SYN3: variants seen among roughly 807,000 people sequenced by gnomAD.
The protein encoded by SYN3 is synapsin-3.
Under a neutral mutation model 65.8 loss-of-function variants are expected in SYN3, and 35 were observed. That is an observed-to-expected ratio of 0.53 (90% CI 0.41 to 0.70). The LOEUF is 0.70. Among genes scored for constraint, SYN3 ranks in the 30% least tolerant of loss-of-function variants. SYN3 has a pLI of 0.00. For missense variants in SYN3, 680 were observed against 749.0 expected (o/e 0.91, Z 1.08); for synonymous variants, 270 against 292.9 (o/e 0.92, Z 0.80).
intron 1 of SYN3, among the ~76,000 whole-genome samples, chr22:33,051,322 C>T (rs1257487177): frequency 6.6e-6 from 1 of 152,106 alleles, no homozygotes; most frequent in East Asian, 1.9e-4. Context: ...CTTTGGAGGA[C>T]CGCAAGAGAT....
At chr22:33,008,924 CAAAAAAAAAAAAAA>C (rs201719238) in intron 1 of SYN3, among the ~76,000 whole-genome samples, 216 of 57,058 alleles carry the variant, frequency 3.8e-3, no homozygotes, top group Non-Finnish European at 5.0e-3. Context: ...GACTTTATCT[CAAAAAAAAAAAAAA>C]AAAAAAAAAA....
In SYN3 at chr22:32,960,438, C is replaced by T. The variant is rs980823729; in HGVS notation, c.369+20207G>A. On this transcript the variant is annotated intron_variant, in intron 3 of 13. Transcript: ENST00000358763. ...CCCACAAATTCACAATAAAAGCTCT[C>T]GCCCACATCTCCCTATCATTCCCTC... is the stretch of plus-strand genomic sequence containing the variant. Among the ~76,000 whole-genome samples the T allele has an allele frequency of 3.9e-5, 6 of 152,168 alleles. No individual in the cohort carries two copies. In the East Asian group the frequency reaches 7.7e-4, roughly 20 times the overall value.
intron 6 of SYN3, among the ~76,000 whole-genome samples, chr22:32,719,957 T>C (rs2061093702): frequency 6.6e-6 from 1 of 152,200 alleles, no homozygotes; most frequent in South Asian, 2.1e-4. Flanking sequence ...GCTACCCAAT[T>C]TGGGCACTTT....
intron 7 of SYN3, among the ~76,000 whole-genome samples, chr22:32,545,558 T>G (rs948137004): frequency 1.3e-5 from 2 of 152,112 alleles, no homozygotes; most frequent in African/African-American, 4.8e-5. Context: ...GGTCTCTCTC[T>G]CTCTCTCTCT....
At chr22:32,962,850 ATCTG>A (rs1391949230) in intron 3 of SYN3, among the ~76,000 whole-genome samples, 10 of 121,966 alleles carry the variant, frequency 8.2e-5, no homozygotes. Context: ...CTATCTATCT[ATCTG>A]TCTGTCTTAC....
chr22:32,675,722 A>C (rs2060431107), intron 6 of SYN3, among the ~76,000 whole-genome samples: 1 of 151,472 alleles, frequency 6.6e-6, no homozygotes, highest in Non-Finnish European at 1.5e-5. Flanking sequence ...AGCTGCATGA[A>C]GGCTGACAGA....
At chr22:32,589,513 T>C (rs2059098999) in intron 7 of SYN3, among the ~76,000 whole-genome samples, 2 of 152,160 alleles carry the variant, frequency 1.3e-5, no homozygotes, top group South Asian at 4.1e-4. Flanking sequence ...GCTAAGAACC[T>C]CACATAATAC....
intron 4 of SYN3, among the ~76,000 whole-genome samples, chr22:32,907,119 C>G (rs2049923473): frequency 6.6e-6 from 1 of 152,140 alleles, no homozygotes; most frequent in African/African-American, 2.4e-5. Context: ...TTTACATTCC[C>G]ACCATTAATT....
chr22:32,701,435 C>G (rs932989649), intron 6 of SYN3, among the ~76,000 whole-genome samples: 4 of 151,380 alleles, frequency 2.6e-5, no homozygotes, highest in African/African-American at 9.7e-5. Flanking sequence ...AACCCATAAC[C>G]AGGAGAAAAA....
chr22:32,823,890 G>A (rs775758374), intron 6 of SYN3, among the ~76,000 whole-genome samples: 26 of 152,086 alleles, frequency 1.7e-4, no homozygotes, highest in Non-Finnish European at 3.7e-4. Context: ...GTGATTATAG[G>A]TGAAGGTCTT....
At position 32,512,236 on chromosome 22, in the gene SYN3, C is replaced by G. The variant is rs537097237; in HGVS notation, c.*1456G>C. 2.6e-5 allele frequency among the ~76,000 whole-genome samples: 4 copies of G among 152,326 alleles called. No individual in the cohort carries two copies. The highest frequency in any genetic ancestry group is 3.9e-4 in the East Asian group (2 of 5,186). ...TGCTTGGGCATAACTAGAAGCTGCT[C>G]CAGGCCAAAGCCACTTCCATTTTTA... On this transcript the variant is annotated 3_prime_UTR_variant, in exon 14 of 14. Coordinates refer to ENST00000358763, the MANE Select transcript of SYN3 (RefSeq NM_003490.4).
At chr22:33,007,914 A>AT (rs1230685376) in intron 1 of SYN3, among the ~76,000 whole-genome samples, 1 of 151,338 alleles carries the variant, frequency 6.6e-6, no homozygotes, top group Non-Finnish European at 1.5e-5. Context: ...TAGATTTTAT[A>AT]TTTTTTGTTA....
At chr22:32,944,464 G>A (rs925210631) in intron 3 of SYN3, among the ~76,000 whole-genome samples, 6 of 152,178 alleles carry the variant, frequency 3.9e-5, no homozygotes, top group Admixed American at 6.5e-5. Context: ...CTCAATAGAT[G>A]CAGAAAAGGC....
intron 6 of SYN3, among the ~76,000 whole-genome samples, chr22:32,769,664 T>C (rs920746817): frequency 1.3e-5 from 2 of 152,234 alleles, no homozygotes; most frequent in Non-Finnish European, 2.9e-5. Flanking sequence ...ATTACAGGCA[T>C]GCGCCACCAT....
chr22:32,529,221 C>T (rs1229071127), intron 10 of SYN3: 5 of 550,472 alleles, frequency 9.1e-6, no homozygotes, highest in Middle Eastern at 4.9e-4. Context: ...TAGTTCAATT[C>T]GGCCCACGTT....
At chr22:32,807,355 A>ATT (rs1200361200) in intron 6 of SYN3, among the ~76,000 whole-genome samples, 69 of 19,900 alleles carry the variant, frequency 3.5e-3, no homozygotes, top group East Asian at 0.019. Flanking sequence ...ATAAATATAT[A>ATT]ATATATAATA....
At chr22:32,684,279 A>G (rs115885195) in intron 6 of SYN3, among the ~76,000 whole-genome samples, 5,928 of 152,158 alleles carry the variant, frequency 0.039, 392 homozygotes, top group African/African-American at 0.14. Flanking sequence ...TACCACATAA[A>G]GTGATCTAAT....
intron 4 of SYN3, among the ~76,000 whole-genome samples, chr22:32,884,379 TA>T: frequency 6.6e-6 from 1 of 152,174 alleles, no homozygotes; most frequent in Non-Finnish European, 1.5e-5. Flanking sequence ...GAACACTAGT[TA>T]ACAGTTCCAT....
At chr22:32,704,892 C>G (rs531097006) in intron 6 of SYN3, among the ~76,000 whole-genome samples, 1 of 152,242 alleles carries the variant, frequency 6.6e-6, no homozygotes, top group East Asian at 1.9e-4. Context: ...CCTTTGCCCA[C>G]TTTTTAATGG....
Sources: allele counts gnomAD v4.1 joint callset (sites outside exome capture counted in the v4.1 genomes callset), GRCh38; gene constraint gnomAD v4.1.1; transcripts MANE v1.5; gene names NCBI Gene and HGNC (gene_info 2026-07-23, HGNC 2026-07-21).